Variants in ERICH1 observed in about 807,000 individuals in gnomAD.
ERICH1 encodes glutamate rich 1, also known as glutamate-rich protein 1.
A neutral mutation model predicts 39.6 loss-of-function variants in ERICH1; 56 were observed. That is an observed-to-expected ratio of 1.41 (90% CI 1.14 to 1.77). The LOEUF (loss-of-function observed/expected upper bound fraction) is 1.77. ERICH1 is among the 40% of genes most tolerant of loss of function. ERICH1 has a pLI of 0.00. For synonymous variants in ERICH1, 313 were observed against 223.6 expected (o/e 1.40, Z -3.57); for missense variants, 826 against 575.4 (o/e 1.44, Z -4.45).
At chr8:723,529 T>A (rs1053177749) in intron 1 of ERICH1, among the ~76,000 whole-genome samples, 2 of 152,224 alleles carry the variant, frequency 1.3e-5, no homozygotes, top group Non-Finnish European at 2.9e-5. Context: ...TCTCAAAACA[T>A]TTCCACTAAA....
At chr8:626,846 C>T (rs561262326) in intron 3 of ERICH1, 31 of 265,612 alleles carry the variant, frequency 1.2e-4, no homozygotes, top group Non-Finnish European at 2.0e-4. Flanking sequence ...CTCTTAATCT[C>T]GGAGGCTGTC....
At chr8:719,243 C>G (rs759917659) in intron 1 of ERICH1, among the ~76,000 whole-genome samples, 2 of 152,246 alleles carry the variant, frequency 1.3e-5, no homozygotes, top group Non-Finnish European at 2.9e-5. Context: ...CGTCATCCAA[C>G]AGCGGGCTCC....
At chr8:618,647 C>G (rs1256817157) in intron 3 of ERICH1, among the ~76,000 whole-genome samples, 1 of 152,236 alleles carries the variant, frequency 6.6e-6, no homozygotes, top group Admixed American at 6.5e-5. Context: ...ACTGAAACCT[C>G]TTTCCAGGCT....
intron 3 of ERICH1, among the ~76,000 whole-genome samples, chr8:691,333 G>C (rs1008435561): frequency 1.3e-5 from 2 of 152,244 alleles, no homozygotes; most frequent in African/African-American, 4.8e-5. Context: ...TAAGAACACT[G>C]CTGTAGCTCA....
At chr8:628,489 TCCC>T (rs2117080756) in intron 3 of ERICH1, among the ~76,000 whole-genome samples, 1 of 152,234 alleles carries the variant, frequency 6.6e-6, no homozygotes, top group South Asian at 2.1e-4. Context: ...TGCTCCCCAG[TCCC>T]CAGGCAGCTG....
intron 3 of ERICH1, among the ~76,000 whole-genome samples, chr8:650,992 C>G (rs762583825): frequency 1.3e-5 from 2 of 152,202 alleles, no homozygotes; most frequent in African/African-American, 4.8e-5. Flanking sequence ...CGAAGCCAGG[C>G]AGAACACCCC....
chr8:618,247 G>C (rs1797055216), intron 3 of ERICH1, among the ~76,000 whole-genome samples: 1 of 151,170 alleles, frequency 6.6e-6, no homozygotes, highest in Non-Finnish European at 1.5e-5. Flanking sequence ...CTCGGTACTT[G>C]GTCCATCCTC....
chr8:728,438 A>T (rs1413467915), intron 1 of ERICH1, among the ~76,000 whole-genome samples: 2 of 152,182 alleles, frequency 1.3e-5, no homozygotes, highest in Non-Finnish European at 2.9e-5. Context: ...GTCCTCACCC[A>T]TCGCAGCAGG....
At chr8:637,415 C>G (rs944154757) in intron 3 of ERICH1, 1 of 152,302 alleles carries the variant, frequency 6.6e-6, no homozygotes, top group African/African-American at 2.4e-5. Flanking sequence ...GCATTCCATC[C>G]TCACCACGTG....
downstream of ERICH1, among the ~76,000 whole-genome samples, chr8:663,949 T>C (rs1801808357): frequency 6.6e-6 from 1 of 152,030 alleles, no homozygotes. Context: ...TTAATAGAGA[T>C]GGGGTTTCAC....
chr8:634,607 T>C (rs1037758998), intron 3 of ERICH1, among the ~76,000 whole-genome samples: 1 of 152,116 alleles, frequency 6.6e-6, no homozygotes, highest in Non-Finnish European at 1.5e-5. Context: ...ATGCGTGCAG[T>C]AGGTGCCCAC....
In ERICH1 at chr8:707,266, GAT is replaced by G. The variant is rs1169803610; in HGVS notation, c.169+8593_169+8594del. On this transcript the variant is annotated intron_variant, in intron 2 of 5. Coordinates refer to ENST00000262109, the MANE Select transcript of ERICH1 (RefSeq NM_207332.3). ...TCTATCACCCAGGCTGGAGTGCAAT[GAT>G]GCGATCTTGGCTCACTGCAACCTCT... 3.5e-5 allele frequency among the ~76,000 whole-genome samples: 5 copies of G among 142,358 alleles called. No homozygotes were observed. In the East Asian group the frequency reaches 1.1e-3, roughly 30 times the overall value. 93.4% of individuals were successfully genotyped at this position (142,358 alleles called of 152,430 possible).
At chr8:643,923 G>C (rs1434381058) in intron 3 of ERICH1, among the ~76,000 whole-genome samples, 4 of 152,230 alleles carry the variant, frequency 2.6e-5, no homozygotes, top group South Asian at 2.1e-4. Context: ...GAAACACCCG[G>C]AATCGTGCTC....
intron 1 of ERICH1, among the ~76,000 whole-genome samples, chr8:728,103 A>G (rs1380236852): frequency 6.6e-6 from 1 of 152,012 alleles, no homozygotes; most frequent in East Asian, 1.9e-4. Flanking sequence ...TGCCAAGCAA[A>G]CCCCACACAA....
intron 3 of ERICH1, among the ~76,000 whole-genome samples, chr8:633,220 G>C (rs946100116): frequency 2.6e-5 from 4 of 152,212 alleles, no homozygotes; most frequent in Non-Finnish European, 4.4e-5. Flanking sequence ...TGGCGACTCT[G>C]TTCTGAGGTT....
chr8:715,115 G>C (rs1442719093), intron 2 of ERICH1, among the ~76,000 whole-genome samples: 1 of 151,690 alleles, frequency 6.6e-6, no homozygotes, highest in Non-Finnish European at 1.5e-5. Flanking sequence ...GTTACATCCA[G>C]GTGGTCTCTT....
chr8:633,725 C>A (rs1464471401), intron 3 of ERICH1, among the ~76,000 whole-genome samples: 2 of 152,184 alleles, frequency 1.3e-5, no homozygotes, highest in East Asian at 1.9e-4. Flanking sequence ...CAGAAATAAA[C>A]CCTCAAACTC....
At chr8:643,129 G>A (rs531578876) in intron 3 of ERICH1, among the ~76,000 whole-genome samples, 16 of 152,138 alleles carry the variant, frequency 1.1e-4, no homozygotes, top group Admixed American at 5.9e-4. Context: ...CCTGCCTGGC[G>A]CAGCCTGGAG....
At chr8:643,158 G>A (rs1799211915) in intron 3 of ERICH1, among the ~76,000 whole-genome samples, 1 of 152,134 alleles carries the variant, frequency 6.6e-6, no homozygotes, top group African/African-American at 2.4e-5. Context: ...CCACAGCCGG[G>A]GACTGCTTCA....
Sources: allele counts gnomAD v4.1 joint callset (sites outside exome capture counted in the v4.1 genomes callset), GRCh38; gene constraint gnomAD v4.1.1; transcripts MANE v1.5; gene names NCBI Gene and HGNC (gene_info 2026-07-23, HGNC 2026-07-21).